Variants in SAMMSON observed in about 807,000 individuals in gnomAD.
SAMMSON encodes the protein survival associated mitochondrial melanoma specific oncogenic non-coding RNA.
intron 2 of SAMMSON, among the ~76,000 whole-genome samples, chr3:70,410,641 C>T (rs1215557673): frequency 6.6e-6 from 1 of 151,966 alleles, no homozygotes; most frequent in Non-Finnish European, 1.5e-5. Flanking sequence ...TATAAAGTGG[C>T]AATAAAATTC....
chr3:70,349,457 T>A (rs1183258478), intron 7 of SAMMSON, among the ~76,000 whole-genome samples: 1 of 152,154 alleles, frequency 6.6e-6, no homozygotes, highest in African/African-American at 2.4e-5. Flanking sequence ...AGCAACCCAT[T>A]ATTTGTTCAC....
At chr3:70,324,154 T>C (rs1025290428) in intron 7 of SAMMSON, among the ~76,000 whole-genome samples, 2 of 120,698 alleles carry the variant, frequency 1.7e-5, no homozygotes, top group African/African-American at 3.0e-5. Flanking sequence ...TTTACATCTC[T>C]CTATCTATCT....
At chr3:70,137,810 A>T (rs564063263) in intron 4 of SAMMSON, 1 of 152,198 alleles carries the variant, frequency 6.6e-6, no homozygotes, top group South Asian at 2.1e-4. Context: ...ATTTTTTACC[A>T]TAAGTCTCTA....
chr3:70,005,653 T>G (rs2066923874), intron 1 of SAMMSON, among the ~76,000 whole-genome samples: 1 of 152,110 alleles, frequency 6.6e-6, no homozygotes, highest in African/African-American at 2.4e-5. Flanking sequence ...CATTTACCTC[T>G]TGATGGTTGG....
At chr3:70,359,033 C>A (rs896518929) in intron 9 of SAMMSON, among the ~76,000 whole-genome samples, 8 of 152,056 alleles carry the variant, frequency 5.3e-5, no homozygotes, top group Non-Finnish European at 8.8e-5. Context: ...TTGTTCCACC[C>A]ACCCCCAGCC....
chr3:70,173,324 T>C (rs898055828), intron 4 of SAMMSON, among the ~76,000 whole-genome samples: 1 of 152,066 alleles, frequency 6.6e-6, no homozygotes, highest in East Asian at 1.9e-4. Context: ...CATTAATCAA[T>C]TGAGTTTAAT....
chr3:70,233,146 G>A (rs1446352378), intron 4 of SAMMSON, among the ~76,000 whole-genome samples: 2 of 152,168 alleles, frequency 1.3e-5, no homozygotes, highest in Non-Finnish European at 2.9e-5. Flanking sequence ...CCAAGATCGC[G>A]CCACTGCATT....
intron 7 of SAMMSON, among the ~76,000 whole-genome samples, chr3:70,314,175 T>TC (rs1016538423): frequency 1.3e-5 from 2 of 152,000 alleles, no homozygotes; most frequent in South Asian, 4.2e-4. Flanking sequence ...AACCTCCTCC[T>TC]CCCCCCAGTG....
chr3:70,387,714 G>A (rs933502157), intron 9 of SAMMSON, among the ~76,000 whole-genome samples: 1 of 152,026 alleles, frequency 6.6e-6, no homozygotes, highest in Non-Finnish European at 1.5e-5. Context: ...AATTGAAATT[G>A]TTTTATCAAG....
chr3:70,291,945 T>A (rs1575617683), intron 7 of SAMMSON: 4 of 152,350 alleles, frequency 2.6e-5, no homozygotes, highest in African/African-American at 2.4e-5. Context: ...TTTGCAGTGG[T>A]CCTGCTTTAT....
At chr3:70,102,524 TCCAGTTCAGG>T (rs1315716217) in intron 4 of SAMMSON, among the ~76,000 whole-genome samples, 2 of 152,208 alleles carry the variant, frequency 1.3e-5, no homozygotes, top group African/African-American at 4.8e-5. Flanking sequence ...ATCTCTAGTC[TCCAGTTCAGG>T]CCACTTCTTT....
chr3:70,410,660 C>T (rs926354149), intron 2 of SAMMSON, among the ~76,000 whole-genome samples: 3 of 152,112 alleles, frequency 2.0e-5, no homozygotes, highest in Non-Finnish European at 4.4e-5. Context: ...TCAATCTCCA[C>T]AATTTTATAA....
intron 7 of SAMMSON, among the ~76,000 whole-genome samples, chr3:70,300,091 G>C (rs915472293): frequency 1.3e-5 from 2 of 151,976 alleles, no homozygotes; most frequent in African/African-American, 4.8e-5. Context: ...CCATTTTTCA[G>C]AATTCTAGAT....
At chr3:70,167,726 G>C (rs528114778) in intron 4 of SAMMSON, among the ~76,000 whole-genome samples, 1 of 152,012 alleles carries the variant, frequency 6.6e-6, no homozygotes, top group Admixed American at 6.6e-5. Context: ...CACAGACCCT[G>C]ATGAACGTCA....
intron 7 of SAMMSON, among the ~76,000 whole-genome samples, chr3:70,292,465 A>G (rs6783416): frequency 0.27 from 40,370 of 151,888 alleles, 5,904 homozygotes; most frequent in East Asian, 0.44. Flanking sequence ...TAGCAAAGGT[A>G]AATCAGGAAA....
At chr3:70,209,295 T>G (rs1232872863) in intron 4 of SAMMSON, among the ~76,000 whole-genome samples, 1 of 152,086 alleles carries the variant, frequency 6.6e-6, no homozygotes, top group Non-Finnish European at 1.5e-5. Context: ...CTCTAGCTCA[T>G]GACAATGAAA....
intron 6 of SAMMSON, among the ~76,000 whole-genome samples, chr3:70,262,532 G>A (rs1400005844): frequency 5.9e-5 from 9 of 152,092 alleles, no homozygotes; most frequent in African/African-American, 1.7e-4. Context: ...CGTTTCATGT[G>A]GGCCTTATTT....
chr3:70,128,592 C>G (rs2067468580), intron 4 of SAMMSON, among the ~76,000 whole-genome samples: 1 of 152,188 alleles, frequency 6.6e-6, no homozygotes, highest in African/African-American at 2.4e-5. Flanking sequence ...ATTTCCCTAT[C>G]TATCCTCTTT....
intron 4 of SAMMSON, among the ~76,000 whole-genome samples, chr3:70,200,944 C>T (rs1250350937): frequency 2.0e-5 from 3 of 151,322 alleles, no homozygotes; most frequent in Non-Finnish European, 2.9e-5. Flanking sequence ...AGCCAATCTA[C>T]AGCCCTCTAT....
Sources: gnomAD v4.1 joint callset for allele counts (sites outside exome capture counted in the v4.1 genomes callset) on GRCh38, gnomAD v4.1.1 for gene constraint, MANE v1.5 for transcripts, NCBI Gene and HGNC (gene_info 2026-07-23, HGNC 2026-07-21) for gene names.